Variants in MKNK1 observed in about 807,000 individuals in gnomAD.
MKNK1 encodes the protein MAPK interacting serine/threonine kinase 1.
A neutral mutation model predicts 49.3 loss-of-function variants in MKNK1; 30 were observed. The ratio of observed to expected loss-of-function variants is 0.61; its 90% confidence interval spans 0.46 to 0.83. MKNK1 has a LOEUF of 0.83. Ranked by LOEUF, MKNK1 falls within the 40% of genes least tolerant of loss-of-function variation. MKNK1 has a pLI of 0.00. For missense variants in MKNK1, 423 were observed against 524.7 expected (o/e 0.81, Z 1.89); for synonymous variants, 176 against 201.7 (o/e 0.87, Z 1.08).
At chr1:46,585,833 A>G (rs1192500666) in intron 2 of MKNK1, 1 of 1,084,580 alleles carries the variant, frequency 9.2e-7, no homozygotes, top group South Asian at 1.2e-5. Flanking sequence ...CACACGTAAC[A>G]TTAGATTTTA....
intron 7 of MKNK1, chr1:46,569,712 T>C (rs566364736): frequency 1.3e-5 from 2 of 152,388 alleles, no homozygotes; most frequent in South Asian, 4.1e-4. Flanking sequence ...AGTCACCTAA[T>C]TGAACGAGAA....
chr1:46,597,584 G>T (rs1175622730), intron 1 of MKNK1, among the ~76,000 whole-genome samples: 1 of 152,180 alleles, frequency 6.6e-6, no homozygotes, highest in East Asian at 1.9e-4. Flanking sequence ...CGTCAAAAGG[G>T]ACTGTATTTC....
At chr1:46,600,197 G>A (rs796731501) in intron 1 of MKNK1, among the ~76,000 whole-genome samples, 1 of 152,160 alleles carries the variant, frequency 6.6e-6, no homozygotes, top group African/African-American at 2.4e-5. Flanking sequence ...ACCATAGTCA[G>A]TCTGATTTCA....
chr1:46,575,212 T>C (rs1670778913), intron 5 of MKNK1, 192 bp from the exon 6 acceptor site: 1 of 533,428 alleles, frequency 1.9e-6, no homozygotes, highest in Admixed American at 3.7e-5. Context: ...TCAGGTCACC[T>C]TATCTTTCCA....
At chr1:46,593,795 G>GCCGTGAC (rs1231357215) in intron 2 of MKNK1, 2 of 168,594 alleles carry the variant, frequency 1.2e-5, no homozygotes, top group Non-Finnish European at 2.5e-5. Context: ...GGCAGAGGTT[G>GCCGTGAC]CCGTGAGCGG....
In MKNK1 at chr1:46,589,678, T is replaced by C. The variant is rs1380660443; in HGVS notation, c.-3+4435A>G. Among the ~76,000 whole-genome samples the C allele has an allele frequency of 1.3e-5, 2 of 152,056 alleles. No homozygotes were observed. The highest frequency in any genetic ancestry group is 2.1e-4 in the South Asian group (1 of 4,824). On this transcript the variant is annotated intron_variant, in intron 2 of 12. Transcript: ENST00000371945. The surrounding 1 kb of genome is among the most constrained non-coding windows in gnomAD (Gnocchi z 4.3). ...GCAGGGGAGATTTACAGAGAACTCA[T>C]AGAGCAGATGAGGAAGGGTTATGGA...
At chr1:46,577,293 A>G (rs917457187) in intron 4 of MKNK1, among the ~76,000 whole-genome samples, 1 of 152,170 alleles carries the variant, frequency 6.6e-6, no homozygotes, top group African/African-American at 2.4e-5. Flanking sequence ...AGCCTGGCCA[A>G]CACGGTGAAA....
intron 2 of MKNK1, chr1:46,593,855 GAA>G (rs61626573): frequency 0.012 from 1,589 of 127,884 alleles, no homozygotes; most frequent in East Asian, 0.033. Flanking sequence ...GACTCTATCT[GAA>G]AAAAAAAAAA....
chr1:46,596,187 G>T (rs1275626588), intron 1 of MKNK1, among the ~76,000 whole-genome samples: 1 of 152,208 alleles, frequency 6.6e-6, no homozygotes, highest in African/African-American at 2.4e-5. Context: ...TGTGTCACAT[G>T]ATCTTTGTTA....
intron 9 of MKNK1, 71 bp from the exon 10 acceptor site, chr1:46,562,914 G>A (rs919586075): frequency 4.7e-6 from 6 of 1,278,054 alleles, no homozygotes; most frequent in Non-Finnish European, 6.5e-6. Flanking sequence ...CAGAGGGGAT[G>A]GCAGAGAGCA....
intron 9 of MKNK1, among the ~76,000 whole-genome samples, chr1:46,563,873 G>A (rs1446159456): frequency 1.3e-5 from 2 of 151,478 alleles, no homozygotes; most frequent in African/African-American, 2.4e-5. Context: ...GTGAAACCCC[G>A]TCTCTACTAA....
At chr1:46,579,889 A>AT (rs59076641) in intron 4 of MKNK1, among the ~76,000 whole-genome samples, 1 of 150,680 alleles carries the variant, frequency 6.6e-6, no homozygotes. Context: ...TCTTCTTTTA[A>AT]TTTTTTTTTT....
intron 7 of MKNK1, chr1:46,571,477 G>A (rs1452025333): frequency 2.5e-6 from 1 of 393,630 alleles, no homozygotes; most frequent in East Asian, 8.5e-5. Flanking sequence ...AGGGAGGTTG[G>A]GGCTGCAGTG....
intron 8 of MKNK1, chr1:46,565,477 GAGAC>G: frequency 3.2e-6 from 1 of 315,690 alleles, no homozygotes; most frequent in South Asian, 3.2e-5. Context: ...GTACTCCTGA[GAGAC>G]AGACTTCTTG....
chr1:46,561,915 T>C (rs1668050085), intron 10 of MKNK1, among the ~76,000 whole-genome samples: 1 of 152,104 alleles, frequency 6.6e-6, no homozygotes, highest in African/African-American at 2.4e-5. Flanking sequence ...AAAGCCCAAA[T>C]TCCTTGGCTC....
chr1:46,600,342 G>C (rs1181357972), intron 1 of MKNK1, among the ~76,000 whole-genome samples: 2 of 152,186 alleles, frequency 1.3e-5, no homozygotes, highest in African/African-American at 4.8e-5. Context: ...CTTGTACATA[G>C]CAAGAGCTCA....
chr1:46,564,435 G>T (rs902051632), intron 9 of MKNK1, among the ~76,000 whole-genome samples: 6 of 149,240 alleles, frequency 4.0e-5, no homozygotes, highest in African/African-American at 7.4e-5. Context: ...CCTGGGTCAG[G>T]AGTCAGGGCT....
intron 10 of MKNK1, among the ~76,000 whole-genome samples, chr1:46,562,040 C>T (rs570341640): frequency 3.3e-5 from 5 of 152,268 alleles, no homozygotes; most frequent in African/African-American, 9.6e-5. Flanking sequence ...CATCTATGCC[C>T]GTGCTGTTCC....
At position 46,558,548 on chromosome 1, in the gene MKNK1, G is replaced by C. The variant is rs917452454; in HGVS notation, c.*27C>G. On this transcript the variant is annotated 3_prime_UTR_variant, in exon 13 of 13. Coordinates refer to ENST00000371945, the MANE Select transcript of MKNK1 (RefSeq NM_001135553.4). ...AGGGGACAATGCCTGGCCAGGCCTA[G>C]GGCCTATAAGGTGTGACTGGAGCAT... is the stretch of plus-strand genomic sequence containing the variant. 6.4e-7 allele frequency: 1 copy of C among 1,564,328 alleles called. No homozygotes were observed. The highest frequency in any genetic ancestry group is 8.7e-7 in the Non-Finnish European group (1 of 1,154,720).
Sources: allele counts gnomAD v4.1 joint callset (sites outside exome capture counted in the v4.1 genomes callset), GRCh38; gene constraint gnomAD v4.1.1; non-coding constraint Gnocchi (gnomAD v3.1); transcripts MANE v1.5; gene names NCBI Gene and HGNC (gene_info 2026-07-23, HGNC 2026-07-21).